CHL1: variants seen among roughly 807,000 people sequenced by gnomAD.
CHL1 encodes cell adhesion molecule L1 like, also known as neural cell adhesion molecule L1-like protein.
A neutral mutation model predicts 141.9 loss-of-function variants in CHL1; 96 were observed. The observed-to-expected ratio is 0.68, with a 90% CI of 0.57 to 0.80. The LOEUF (loss-of-function observed/expected upper bound fraction) is 0.80, where lower values mean the gene tolerates loss of function less well. Ranked by LOEUF, CHL1 falls within the 30% of genes least tolerant of loss-of-function variation. The probability of loss-of-function intolerance (pLI) is 0.00; values close to 1 mark genes in which losing one functional copy is unlikely to be tolerated. For synonymous variants in CHL1, 613 were observed against 502.2 expected (o/e 1.22, Z -2.95); for missense variants, 1,820 against 1,457.2 (o/e 1.25, Z -4.05).
chr3:370,648 C>G (rs1054351937), intron 15 of CHL1, among the ~76,000 whole-genome samples: 1 of 151,796 alleles, frequency 6.6e-6, no homozygotes, highest in Non-Finnish European at 1.5e-5. Context: ...CTTCTGCTAG[C>G]TCTTGGATTA....
chr3:403,910 G>A (rs1709336148), intron 27 of CHL1, among the ~76,000 whole-genome samples: 1 of 151,900 alleles, frequency 6.6e-6, no homozygotes, highest in African/African-American at 2.4e-5. Flanking sequence ...TTTATTCTTT[G>A]TTCCTGATTC....
intron 1 of CHL1, among the ~76,000 whole-genome samples, chr3:234,902 C>T (rs572288817): frequency 6.6e-6 from 1 of 152,272 alleles, no homozygotes; most frequent in African/African-American, 2.4e-5. Context: ...ATGTTAACAT[C>T]TTTTCACACC....
chr3:388,823 G>T (rs918953112), intron 19 of CHL1, among the ~76,000 whole-genome samples: 1 of 152,164 alleles, frequency 6.6e-6, no homozygotes, highest in South Asian at 2.1e-4. Context: ...TCTTCAAAAA[G>T]CCATGGGAGA....
chr3:212,528 A>G (rs1265830142), intron 1 of CHL1, among the ~76,000 whole-genome samples: 1 of 151,508 alleles, frequency 6.6e-6, no homozygotes, highest in East Asian at 2.0e-4. Flanking sequence ...TCGAACAGTC[A>G]CTCTTCTCCA....
At chr3:309,392 C>CTTCCTTCCTTCCTTCCTTCCTTCCTTCCT (rs142838718) in intron 2 of CHL1, 10 of 134,140 alleles carry the variant, frequency 7.5e-5, no homozygotes, top group African/African-American at 3.3e-4. Flanking sequence ...TCCTTCCTTC[C>CTTCCTTCCTTCCTTCCTTCCTTCCTTCCT]TCCTTCCTTC....
Position 309,188 on chromosome 3 carries a change from C to G in CHL1, c.-94-10495C>G, listed in dbSNP as rs1379709164. 4 of 152,700 alleles carry G rather than the reference C, an allele frequency of 2.6e-5. No individual in the cohort carries two copies. In the East Asian group the frequency reaches 7.8e-4, roughly 30 times the overall value. 9.5% of individuals were successfully genotyped at this position (152,700 alleles called of 1,614,324 possible). ...TCCCACGGCCTCCCCACACACACCC[C>G]GCGTGGATGCGGCGAGGGCCCGCCT... On this transcript the variant is annotated intron_variant, in intron 2 of 27. Transcript: ENST00000256509.
intron 1 of CHL1, among the ~76,000 whole-genome samples, chr3:235,340 C>A (rs1463917890): frequency 4.6e-5 from 7 of 151,772 alleles, no homozygotes; most frequent in African/African-American, 7.3e-5. Flanking sequence ...TTCTTCATGC[C>A]TTAGTTTGGT....
At chr3:335,566 A>T (rs3773409) in intron 5 of CHL1, among the ~76,000 whole-genome samples, 21,129 of 152,164 alleles carry the variant, frequency 0.14, 1,778 homozygotes, top group East Asian at 0.36. Flanking sequence ...AGCATATTTA[A>T]GTGAAATGTA....
chr3:283,075 C>CT (rs1696808374), intron 2 of CHL1, among the ~76,000 whole-genome samples: 1 of 152,184 alleles, frequency 6.6e-6, no homozygotes, highest in African/African-American at 2.4e-5. Context: ...ATTCCATTCA[C>CT]ATAGTGAATA....
intron 16 of CHL1, among the ~76,000 whole-genome samples, chr3:378,247 T>G (rs1023592318): frequency 6.6e-6 from 1 of 152,168 alleles, no homozygotes; most frequent in African/African-American, 2.4e-5. Flanking sequence ...TGAGCTACTC[T>G]TTCCTGGTGT....
intron 15 of CHL1, among the ~76,000 whole-genome samples, chr3:367,144 C>A (rs1218972962): frequency 1.3e-5 from 2 of 152,222 alleles, no homozygotes; most frequent in African/African-American, 4.8e-5. Context: ...AAAAAGTCAG[C>A]ATTTGCTGAA....
intron 19 of CHL1, chr3:384,730 T>C (rs181380214): frequency 6.6e-6 from 1 of 152,332 alleles, no homozygotes; most frequent in East Asian, 1.9e-4. Context: ...CAACATTGAA[T>C]TTATAAAATT....
chr3:383,280 C>T (rs1015116565), intron 18 of CHL1, among the ~76,000 whole-genome samples: 12 of 152,150 alleles, frequency 7.9e-5, no homozygotes, highest in African/African-American at 1.4e-4. Context: ...AACCTTTGCA[C>T]TAAACTCCAC....
chr3:238,205 G>A (rs1574816164), intron 1 of CHL1, among the ~76,000 whole-genome samples: 1 of 151,932 alleles, frequency 6.6e-6, no homozygotes, highest in Non-Finnish European at 1.5e-5. Context: ...TGAGGGTCTG[G>A]GCCTCCATGA....
In CHL1 at chr3:383,813, C is replaced by A; in HGVS notation, c.2177-3C>A. 6.2e-7 allele frequency: 1 copy of A among 1,606,448 alleles called. No individual in the cohort carries two copies. Among genetic ancestry groups the A allele is most frequent in the Non-Finnish European group, 8.5e-7 (1 of 1,175,150 alleles). ...AATAATGTTAATGTTTTTAATTTTTCAGCTCCAGATAGGAATCCACAAAAC... is the reference window on the plus strand; with the variant it reads ...AATAATGTTAATGTTTTTAATTTTTAAGCTCCAGATAGGAATCCACAAAAC... On this transcript the variant is annotated splice_region_variant and splice_polypyrimidine_tract_variant and intron_variant, in intron 18 of 27. Coordinates refer to ENST00000256509, the MANE Select transcript of CHL1 (RefSeq NM_006614.4).
At chr3:282,284 G>T (rs1220934702) in intron 2 of CHL1, among the ~76,000 whole-genome samples, 1 of 151,966 alleles carries the variant, frequency 6.6e-6, no homozygotes, top group Non-Finnish European at 1.5e-5. Context: ...TTCCTCCTTG[G>T]CTGTTATTGT....
chr3:253,491 C>G (rs888036738), intron 2 of CHL1, among the ~76,000 whole-genome samples: 3 of 152,110 alleles, frequency 2.0e-5, no homozygotes, highest in African/African-American at 7.2e-5. Flanking sequence ...CCCTCTCTAC[C>G]TTTTCTGTAG....
At chr3:251,796 A>G (rs1693712671) in intron 2 of CHL1, among the ~76,000 whole-genome samples, 1 of 152,116 alleles carries the variant, frequency 6.6e-6, no homozygotes, top group Non-Finnish European at 1.5e-5. Flanking sequence ...AGAAGTTTCT[A>G]TTATCTTAGA....
intron 5 of CHL1, among the ~76,000 whole-genome samples, chr3:337,449 GC>G (rs1701980092): frequency 6.6e-6 from 1 of 151,910 alleles, no homozygotes; most frequent in Non-Finnish European, 1.5e-5. Flanking sequence ...CGTGTGCCAT[GC>G]TGGTGTGCTG....
Sources: gnomAD v4.1 joint callset for allele counts (sites outside exome capture counted in the v4.1 genomes callset) on GRCh38, gnomAD v4.1.1 for gene constraint, MANE v1.5 for transcripts, NCBI Gene and HGNC (gene_info 2026-07-23, HGNC 2026-07-21) for gene names.